Variants in CCDC18 observed in about 807,000 individuals in gnomAD.
CCDC18 encodes coiled-coil domain containing 18.
CCDC18 carries 157 observed loss-of-function variants against 196.0 expected under a neutral mutation model. The ratio of observed to expected loss-of-function variants is 0.80; its 90% CI spans 0.70 to 0.91. The LOEUF is 0.91. Among genes scored for constraint, CCDC18 ranks in the 40% least tolerant of loss-of-function variants. The pLI is 0.00. For missense variants in CCDC18, 1,465 were observed against 1,611.6 expected (o/e 0.91, Z 1.56); for synonymous variants, 482 against 529.2 (o/e 0.91, Z 1.22).
intron 24 of CCDC18, among the ~76,000 whole-genome samples, chr1:93,255,792 A>G (rs1250078222): frequency 1.4e-5 from 2 of 143,876 alleles, no homozygotes; most frequent in Non-Finnish European, 3.0e-5. Flanking sequence ...GAGGAAGAAG[A>G]AGGAGGGGGG....
intron 23 of CCDC18, among the ~76,000 whole-genome samples, chr1:93,251,462 G>C (rs1286911027): frequency 1.2e-4 from 18 of 152,104 alleles, no homozygotes. Context: ...ATTTCTTGTA[G>C]GACAGGTCTA....
intron 4 of CCDC18, 24 bp from the exon 5 acceptor site, chr1:93,191,976 A>G (rs1008267060): frequency 4.6e-6 from 7 of 1,528,908 alleles, no homozygotes; most frequent in Admixed American, 3.5e-5. Context: ...TGAAAGTACT[A>G]TAAAAGTTGT....
chr1:93,224,328 C>T (rs1657957356), intron 16 of CCDC18, among the ~76,000 whole-genome samples: 1 of 152,180 alleles, frequency 6.6e-6, no homozygotes, highest in African/African-American at 2.4e-5. Flanking sequence ...CATGCATCTC[C>T]TGTGAACAGA....
At chr1:93,274,108 T>C (rs1665500463) in intron 28 of CCDC18, among the ~76,000 whole-genome samples, 1 of 152,082 alleles carries the variant, frequency 6.6e-6, no homozygotes, top group Non-Finnish European at 1.5e-5. Flanking sequence ...CAATTAAGGA[T>C]TAAGAGTAGG....
intron 16 of CCDC18, among the ~76,000 whole-genome samples, chr1:93,222,501 T>C (rs1353700246): frequency 6.6e-6 from 1 of 152,210 alleles, no homozygotes; most frequent in African/African-American, 2.4e-5. Flanking sequence ...AGTTGGCTTG[T>C]AAGATTAATT....
intron 28 of CCDC18, among the ~76,000 whole-genome samples, chr1:93,273,928 T>C (rs964583098): frequency 6.6e-5 from 10 of 152,312 alleles, no homozygotes; most frequent in Admixed American, 2.6e-4. Context: ...ATCTGAATAG[T>C]ACCAAATAAT....
In CCDC18 at chr1:93,221,681, G is replaced by C; in HGVS notation, c.2035G>C (p.Asp679His). The part of the protein sequence containing the change: ...QEKTMSMLQQ[D>H]IICKQHHLES... ...AAAGACTATGTCCATGTTGCAACAA[G>C]ATATAATATGCAAACAACATCATCT... Residue 679 changes from aspartate (D) to histidine (H), a missense_variant, in exon 15 of 29, where the codon GAT (aspartate) becomes CAT (histidine). Coordinates refer to ENST00000690025, the MANE Select transcript of CCDC18 (RefSeq NM_001378204.1). 6.3e-7 allele frequency: 1 copy of C among 1,594,694 alleles called. No homozygotes were observed. Among genetic ancestry groups the C allele is most frequent in the Non-Finnish European group, 8.5e-7 (1 of 1,174,214 alleles).
chr1:93,202,757 G>A (rs1181053620), intron 7 of CCDC18, among the ~76,000 whole-genome samples: 1 of 152,092 alleles, frequency 6.6e-6, no homozygotes, highest in Non-Finnish European at 1.5e-5. Context: ...TGGGAGATTC[G>A]GTGATACATA....
Position 93,256,328 on chromosome 1 carries a change from T to G in CCDC18, c.3343-7T>G, listed in dbSNP as rs768616344. Reference sequence around the variant, plus strand: ...TCTGAAACCTACAAATACCTTATGCTTTTCAGGTTATGAAAGAGCAAGAAC... The same window carrying G: ...TCTGAAACCTACAAATACCTTATGCGTTTCAGGTTATGAAAGAGCAAGAAC... On this transcript the variant is annotated splice_region_variant and splice_polypyrimidine_tract_variant and intron_variant, in intron 24 of 28. Transcript: ENST00000690025. 18 of 1,612,762 alleles carry G rather than the reference T, an allele frequency of 1.1e-5. No individual in the cohort carries two copies. The highest frequency in any genetic ancestry group is 1.6e-4 in the Middle Eastern group (1 of 6,080).
rs1413316199 is a variant in CCDC18 at position 93,230,708 on chromosome 1, AT to A, written c.2293-1711del. On this transcript the variant is annotated intron_variant, in intron 17 of 28. Transcript: ENST00000690025. ...AGGCTTTGTGTTTTGGTTAGATCTTATTTTTTTCTTCTGTTTTGTCTTATTT... is the reference window on the plus strand; with the variant it reads ...AGGCTTTGTGTTTTGGTTAGATCTTATTTTTTCTTCTGTTTTGTCTTATTT... Among the ~76,000 whole-genome samples the A allele has an allele frequency of 2.6e-5, 4 of 151,830 alleles. 1 individual carries two copies. Among genetic ancestry groups the A allele is most frequent in the African/African-American group, 2.4e-5 (1 of 41,382 alleles).
At chr1:93,241,157 G>C (rs1020159501) in intron 21 of CCDC18, among the ~76,000 whole-genome samples, 1 of 151,264 alleles carries the variant, frequency 6.6e-6, no homozygotes, top group Non-Finnish European at 1.5e-5. Flanking sequence ...GTTTCACCAC[G>C]TTGGCCAGAC....
At chr1:93,254,441 A>G in intron 23 of CCDC18, 30 bp from the exon 24 acceptor site, 1 of 1,477,684 alleles carries the variant, frequency 6.8e-7, no homozygotes, top group Non-Finnish European at 9.2e-7. Flanking sequence ...CATTAATTTT[A>G]CTGATACTGC....
chr1:93,233,024 C>G (rs960528619), intron 18 of CCDC18, among the ~76,000 whole-genome samples: 25 of 152,106 alleles, frequency 1.6e-4, no homozygotes, highest in Non-Finnish European at 3.4e-4. Flanking sequence ...AAGAAATACT[C>G]TATACTGATA....
intron 16 of CCDC18, 57 bp downstream of exon 16, chr1:93,221,993 A>G: frequency 8.6e-7 from 1 of 1,159,182 alleles, no homozygotes; most frequent in Non-Finnish European, 1.2e-6. Flanking sequence ...TTTAACAGAC[A>G]GAATCTCTCT....
intron 17 of CCDC18, among the ~76,000 whole-genome samples, chr1:93,228,397 A>T (rs1270199766): frequency 6.6e-6 from 1 of 152,162 alleles, no homozygotes; most frequent in Non-Finnish European, 1.5e-5. Context: ...GTTTCCTGCA[A>T]TACACAGAGC....
chr1:93,260,182 G>C (rs1310529623), intron 26 of CCDC18, among the ~76,000 whole-genome samples: 1 of 152,082 alleles, frequency 6.6e-6, no homozygotes. Context: ...TCAGGAGTTC[G>C]AGACCAGCCT....
intron 4 of CCDC18, among the ~76,000 whole-genome samples, chr1:93,188,270 G>A (rs1011760324): frequency 5.3e-5 from 8 of 152,236 alleles, no homozygotes; most frequent in African/African-American, 1.4e-4. Flanking sequence ...CATAACTTAC[G>A]TCTGGCAATG....
chr1:93,237,497 C>T lies in CCDC18; in HGVS notation c.2603+1107C>T, dbSNP rs149826668. Among the ~76,000 whole-genome samples, 810 of 152,278 alleles carry T rather than the reference C, an allele frequency of 5.3e-3. 9 individuals are homozygous for T. The highest frequency in any genetic ancestry group is 0.018 in the African/African-American group (768 of 41,558). ...ACTGTGCCTTTTGAACTTCATAATC[C>T]ATTCTCTGTATTCACTACTTTTTCT... On this transcript the variant is annotated intron_variant, in intron 19 of 28. Coordinates refer to ENST00000690025, the MANE Select transcript of CCDC18 (RefSeq NM_001378204.1).
At chr1:93,189,410 T>C (rs1651329019) in intron 4 of CCDC18, among the ~76,000 whole-genome samples, 1 of 152,220 alleles carries the variant, frequency 6.6e-6, no homozygotes, top group Non-Finnish European at 1.5e-5. Context: ...TCTTGGCTAT[T>C]GAACAGTGCT....
Sources: gnomAD v4.1 joint callset for allele counts (sites outside exome capture counted in the v4.1 genomes callset) on GRCh38, gnomAD v4.1.1 for gene constraint, MANE v1.5 for transcripts, NCBI Gene and HGNC (gene_info 2026-07-23, HGNC 2026-07-21) for gene names.